The following GRIN2A variants were observed in gnomAD, a reference collection of about 807,000 sequenced individuals.
The protein encoded by GRIN2A is glutamate receptor ionotropic, NMDA 2A.
Under a neutral mutation model 113.4 loss-of-function variants are expected in GRIN2A, and 22 were observed. The ratio of observed to expected loss-of-function variants is 0.19; its 90% confidence interval spans 0.14 to 0.28. The LOEUF is 0.28. GRIN2A is among the 10% of genes least tolerant of loss of function. The pLI, the probability that GRIN2A is intolerant of heterozygous loss-of-function variation, is 1.00. For missense variants in GRIN2A, 1,502 were observed against 1,887.0 expected, an observed-to-expected ratio of 0.80 and a Z score of 3.78; for synonymous variants, 827 against 738.4, an observed-to-expected ratio of 1.12 and a Z score of -1.94.
chr16:10,112,209 G>A, intron 2 of GRIN2A: 1 of 596,466 alleles, frequency 1.7e-6, no homozygotes. Flanking sequence ...CTCCTCCCAA[G>A]GGAACTCGGT....
intron 10 of GRIN2A, chr16:9,805,632 T>C (rs1290484343): frequency 6.6e-6 from 1 of 152,212 alleles, no homozygotes; most frequent in Non-Finnish European, 1.5e-5. Flanking sequence ...AGCTTCAGTA[T>C]TCTCATCTGT....
intron 2 of GRIN2A, among the ~76,000 whole-genome samples, chr16:10,070,109 T>C (rs2047721844): frequency 6.6e-6 from 1 of 152,218 alleles, no homozygotes; most frequent in Non-Finnish European, 1.5e-5. Flanking sequence ...CTTCTCTACC[T>C]GAGTGGTAGC....
intron 2 of GRIN2A, among the ~76,000 whole-genome samples, chr16:9,969,673 G>T (rs1214303730): frequency 6.6e-6 from 1 of 152,150 alleles, no homozygotes; most frequent in Non-Finnish European, 1.5e-5. Flanking sequence ...AACATGCAAT[G>T]ACTGTGCTCC....
intron 2 of GRIN2A, among the ~76,000 whole-genome samples, chr16:9,978,503 C>G (rs1328573464): frequency 6.6e-6 from 1 of 151,996 alleles, no homozygotes; most frequent in Non-Finnish European, 1.5e-5. Flanking sequence ...TCATTCCTCT[C>G]CTTCCCCTTC....
chr16:9,787,191 A>G (rs1902282876), intron 11 of GRIN2A, among the ~76,000 whole-genome samples: 1 of 152,014 alleles, frequency 6.6e-6, no homozygotes, highest in African/African-American at 2.4e-5. Context: ...CCCAATCTTG[A>G]AGAGACTATC....
Position 10,059,687 on chromosome 16 carries a change from G to T in GRIN2A, c.414+120311C>A, listed in dbSNP as rs557556295. Among the ~76,000 whole-genome samples the T allele has an allele frequency of 2.1e-5, 3 of 140,028 alleles. No individual in the cohort carries two copies. In the Admixed American group the frequency reaches 2.2e-4, roughly 10 times the overall value. 91.9% of individuals were successfully genotyped at this position (140,028 alleles called of 152,430 possible). ...CTCCTGTAGCTAATGAAGGGCCATG[G>T]AACTAAAGAAATAAAATCACACCAT... On this transcript the variant is annotated intron_variant, in intron 2 of 12. Coordinates refer to ENST00000330684, the MANE Select transcript of GRIN2A (RefSeq NM_001134407.3).
At chr16:10,164,671 CA>C (rs1262527307) in intron 2 of GRIN2A, among the ~76,000 whole-genome samples, 3 of 152,112 alleles carry the variant, frequency 2.0e-5, no homozygotes, top group Non-Finnish European at 4.4e-5. Context: ...CGCCAGGCTT[CA>C]AAATATTTAT....
intron 2 of GRIN2A, among the ~76,000 whole-genome samples, chr16:9,949,379 C>G (rs972821470): frequency 6.6e-6 from 1 of 151,266 alleles, no homozygotes; most frequent in African/African-American, 2.4e-5. Context: ...AATGGATGGA[C>G]AGATGGATGG....
rs769041687 is a variant in GRIN2A, at chr16:10,081,172, T to A, written c.414+98826A>T. Among the ~76,000 whole-genome samples, 24 of 152,322 alleles carry A rather than the reference T, an allele frequency of 1.6e-4. 1 individual carries two copies. The highest frequency in any genetic ancestry group is 4.1e-4 in the South Asian group (2 of 4,826). ...TACATGCTTCGTCCTGAGGTTAGCA[T>A]GAGGCAACTGCACTCACTGCTACGC... On this transcript the variant is annotated intron_variant, in intron 2 of 12. Coordinates refer to ENST00000330684, the MANE Select transcript of GRIN2A (RefSeq NM_001134407.3).
chr16:10,111,321 A>AGCAGCT (rs1567306416), intron 2 of GRIN2A: 2 of 382,080 alleles, frequency 5.2e-6, no homozygotes, highest in South Asian at 2.2e-5. Flanking sequence ...CGTCAGCAGC[A>AGCAGCT]GCGGCAGCAG....
At chr16:9,886,974 G>A (rs1433330225) in intron 4 of GRIN2A, among the ~76,000 whole-genome samples, 2 of 152,028 alleles carry the variant, frequency 1.3e-5, no homozygotes, top group African/African-American at 2.4e-5. Context: ...TGCAACCCTC[G>A]CCTCCCAGGT....
chr16:9,896,061 T>C (rs1416140284), intron 3 of GRIN2A, among the ~76,000 whole-genome samples: 1 of 152,132 alleles, frequency 6.6e-6, no homozygotes, highest in Non-Finnish European at 1.5e-5. Context: ...AACTTTTTTT[T>C]TTTTTGGAAA....
intron 2 of GRIN2A, among the ~76,000 whole-genome samples, chr16:9,986,424 G>C (rs1243977549): frequency 6.6e-6 from 1 of 152,160 alleles, no homozygotes; most frequent in Non-Finnish European, 1.5e-5. Context: ...TTATTTTATA[G>C]TGTATTTCTG....
At chr16:9,979,115 G>A (rs964127263) in intron 2 of GRIN2A, among the ~76,000 whole-genome samples, 2 of 152,158 alleles carry the variant, frequency 1.3e-5, no homozygotes, top group East Asian at 1.9e-4. Flanking sequence ...AAGCCAAGAG[G>A]AGACTAAGAT....
chr16:9,785,286 G>T (rs887126061), intron 11 of GRIN2A, among the ~76,000 whole-genome samples: 1 of 152,056 alleles, frequency 6.6e-6, no homozygotes, highest in African/African-American at 2.4e-5. Context: ...CATATCCTTT[G>T]TAGGGACATG....
chr16:10,059,714 G>A (rs1220031885), intron 2 of GRIN2A, among the ~76,000 whole-genome samples: 17 of 113,238 alleles, frequency 1.5e-4, no homozygotes, highest in Admixed American at 3.1e-4. Flanking sequence ...TCACACCATC[G>A]TGACCGAAAA....
At chr16:10,110,409 C>T (rs777218505) in intron 2 of GRIN2A, among the ~76,000 whole-genome samples, 1 of 152,126 alleles carries the variant, frequency 6.6e-6, no homozygotes, top group Non-Finnish European at 1.5e-5. Context: ...ATGGTTTTTA[C>T]CTGGGGAATG....
chr16:9,910,518 C>T (rs901306455), intron 3 of GRIN2A, among the ~76,000 whole-genome samples: 1 of 147,716 alleles, frequency 6.8e-6, no homozygotes, highest in Admixed American at 6.7e-5. Context: ...ATTTGAGTCT[C>T]ATATGAAGTC....
chr16:9,823,992 C>T (rs1397537558), intron 9 of GRIN2A, among the ~76,000 whole-genome samples: 5 of 152,158 alleles, frequency 3.3e-5, no homozygotes, highest in South Asian at 4.1e-4. Flanking sequence ...AACTAAGAAC[C>T]GCCAGGGTAA....
Sources: allele counts gnomAD v4.1 joint callset (sites outside exome capture counted in the v4.1 genomes callset), GRCh38; gene constraint gnomAD v4.1.1; transcripts MANE v1.5; gene names NCBI Gene and HGNC (gene_info 2026-07-23, HGNC 2026-07-21).